The following TENM2 variants were observed in gnomAD, a reference collection of about 807,000 sequenced individuals.
TENM2 encodes the protein teneurin-2.
TENM2 carries 52 observed loss-of-function variants against 245.2 expected under a neutral mutation model. The ratio of observed to expected loss-of-function variants is 0.21; its 90% confidence interval spans 0.17 to 0.27. The LOEUF (loss-of-function observed/expected upper bound fraction) is 0.27, where lower values mean the gene tolerates loss of function less well. Among genes scored for constraint, TENM2 ranks in the 10% least tolerant of loss-of-function variants. TENM2 has a pLI of 1.00. For missense variants in TENM2, 3,046 were observed against 3,666.8 expected, an observed-to-expected ratio of 0.83 and a Z score of 4.37; for synonymous variants, 1,363 against 1,438.9, an observed-to-expected ratio of 0.95 and a Z score of 1.19.
At chr5:167,615,677 C>T (rs1777746502) in intron 2 of TENM2, among the ~76,000 whole-genome samples, 2 of 151,882 alleles carry the variant, frequency 1.3e-5, no homozygotes, top group Admixed American at 6.6e-5. Flanking sequence ...AATAAACAGT[C>T]AGAATATCTT....
chr5:167,872,529 AAAG>A (rs1773027199), intron 2 of TENM2, among the ~76,000 whole-genome samples: 1 of 50,828 alleles, frequency 2.0e-5, no homozygotes, highest in Non-Finnish European at 5.2e-5. Context: ...AGAAAGAAAG[AAAG>A]AAAGAAAGAA....
chr5:167,165,818 T>A, the TENM2 span, among the ~76,000 whole-genome samples: 1 of 152,186 alleles, frequency 6.6e-6, no homozygotes, highest in Non-Finnish European at 1.5e-5. Flanking sequence ...TTTATGTCTA[T>A]ACAGCCAGAA....
intron 10 of TENM2, 105 bp downstream of exon 12, chr5:168,118,591 G>T: frequency 1.1e-6 from 1 of 892,818 alleles, no homozygotes; most frequent in Non-Finnish European, 1.6e-6. Context: ...TGCAAGAGAA[G>T]TTTCAACATT....
intron 2 of TENM2, among the ~76,000 whole-genome samples, chr5:167,861,598 G>C (rs1374259438): frequency 6.6e-6 from 1 of 152,190 alleles, no homozygotes; most frequent in Non-Finnish European, 1.5e-5. Flanking sequence ...GCAGGCTCTG[G>C]GGGCATTGTT....
intron 1 of TENM2, among the ~76,000 whole-genome samples, chr5:167,359,953 A>T (rs912973053): frequency 1.3e-5 from 2 of 152,296 alleles, no homozygotes; most frequent in Admixed American, 1.3e-4. Flanking sequence ...CTCACATATA[A>T]ATGGGAGCCA....
the TENM2 span, chr5:167,164,950 C>A: frequency 1.2e-4 from 19 of 152,018 alleles, no homozygotes; most frequent in Non-Finnish European, 2.6e-4. Flanking sequence ...ATTAAAATCA[C>A]GATTATGTAT....
chr5:168,193,006 G>T (rs1049532355), intron 14 of TENM2, among the ~76,000 whole-genome samples: 3 of 152,116 alleles, frequency 2.0e-5, no homozygotes, highest in African/African-American at 4.8e-5. Context: ...CTTCCAGAAG[G>T]CACCTTGAGC....
intron 9 of TENM2, among the ~76,000 whole-genome samples, chr5:168,098,840 T>A (rs1242251070): frequency 1.3e-5 from 2 of 152,160 alleles, no homozygotes; most frequent in Non-Finnish European, 2.9e-5. Flanking sequence ...TATGTCTAAA[T>A]ACAAGTAGGA....
At chr5:168,151,967 G>T (rs953612226) in intron 12 of TENM2, among the ~76,000 whole-genome samples, 1 of 152,178 alleles carries the variant, frequency 6.6e-6, no homozygotes, top group African/African-American at 2.4e-5. Context: ...ATCATCCAGG[G>T]CAAATTGGAA....
intron 2 of TENM2, among the ~76,000 whole-genome samples, chr5:167,453,204 G>A (rs1413164438): frequency 6.6e-6 from 1 of 151,564 alleles, no homozygotes; most frequent in Non-Finnish European, 1.5e-5. Context: ...ATAGAAAATA[G>A]GAACAACAGG....
intron 2 of TENM2, among the ~76,000 whole-genome samples, chr5:167,544,472 T>C (rs1473538315): frequency 6.6e-6 from 1 of 152,194 alleles, no homozygotes; most frequent in African/African-American, 2.4e-5. Flanking sequence ...GGGATTTCAA[T>C]TGTGTAAAGG....
At chr5:167,219,367 T>G in the TENM2 span, among the ~76,000 whole-genome samples, 2 of 152,068 alleles carry the variant, frequency 1.3e-5, no homozygotes, top group Non-Finnish European at 2.9e-5. Flanking sequence ...AAACAAAACG[T>G]GGATACCCCT....
chr5:168,241,348 T>C lies in TENM2; in HGVS notation c.5521-3072T>C, dbSNP rs927605375. 6.6e-5 allele frequency among the ~76,000 whole-genome samples: 10 copies of C among 151,934 alleles called. No homozygotes were observed. In the Middle Eastern group the frequency reaches 0.01, roughly 155 times the overall value. On this transcript the variant is annotated intron_variant, in intron 25 of 28. Transcript: ENST00000518659. ...TTGGCTCACTGCAACCTCCACCTCC[T>C]GGGTTCAAACAATTCTCCTGCTCAG... is the stretch of plus-strand genomic sequence containing the variant.
the TENM2 span, among the ~76,000 whole-genome samples, chr5:166,981,673 A>G: frequency 4.6e-5 from 7 of 152,194 alleles, no homozygotes; most frequent in African/African-American, 1.7e-4. Flanking sequence ...GAATTTATTT[A>G]TGAAACATCA....
At chr5:167,907,708 G>A (rs558238972) in intron 3 of TENM2, among the ~76,000 whole-genome samples, 1 of 150,232 alleles carries the variant, frequency 6.7e-6, no homozygotes, top group Admixed American at 6.6e-5. Flanking sequence ...TTCAAGAACT[G>A]CCTGGGAAAC....
At chr5:168,121,097 AC>A (rs1220289900) in intron 10 of TENM2, among the ~76,000 whole-genome samples, 1 of 152,212 alleles carries the variant, frequency 6.6e-6, no homozygotes, top group Non-Finnish European at 1.5e-5. Context: ...GGCTTATAGT[AC>A]ATATTGTTTG....
intron 2 of TENM2, among the ~76,000 whole-genome samples, chr5:167,652,150 T>C (rs1754514736): frequency 6.6e-6 from 1 of 152,224 alleles, no homozygotes; most frequent in South Asian, 2.1e-4. Context: ...AACTAGACTA[T>C]GCCAAGAGCG....
chr5:167,560,551 C>A (rs1773519976), intron 2 of TENM2, among the ~76,000 whole-genome samples: 1 of 152,166 alleles, frequency 6.6e-6, no homozygotes, highest in African/African-American at 2.4e-5. Flanking sequence ...GACTCTTCCA[C>A]TTCACAGCTG....
exon 27 of TENM2, chr5:168,248,305 A>T (rs1436062570): frequency 6.2e-7 from 1 of 1,614,014 alleles, no homozygotes; most frequent in East Asian, 2.2e-5. Flanking sequence ...GGCCCCCTTT[A>T]ACCTGTATAT....
Sources: allele counts gnomAD v4.1 joint callset (sites outside exome capture counted in the v4.1 genomes callset), GRCh38; gene constraint gnomAD v4.1.1; transcripts MANE v1.5; gene names NCBI Gene and HGNC (gene_info 2026-07-23, HGNC 2026-07-21).